The following LOC400499 variants were observed in gnomAD, a reference collection of about 807,000 sequenced individuals.
chr16:11,435,418 A>G, the LOC400499 span, among the ~76,000 whole-genome samples: 1 of 152,162 alleles, frequency 6.6e-6, no homozygotes, highest in African/African-American at 2.4e-5. Flanking sequence ...TTTATACATT[A>G]TCCTTTAAGC....
At chr16:11,482,404 G>A in the LOC400499 span, among the ~76,000 whole-genome samples, 3 of 152,184 alleles carry the variant, frequency 2.0e-5, no homozygotes, top group African/African-American at 4.8e-5. Flanking sequence ...GGTCCTACGA[G>A]AATCTCTGTA....
At chr16:11,383,883 C>A in the LOC400499 span, 4 of 1,232,190 alleles carry the variant, frequency 3.2e-6, no homozygotes, top group Non-Finnish European at 4.0e-6. Flanking sequence ...GGCTCACACT[C>A]ACCACCCGGA....
At chr16:11,450,542 C>T in the LOC400499 span, 3 of 1,479,822 alleles carry the variant, frequency 2.0e-6, no homozygotes, top group Non-Finnish European at 2.7e-6. Flanking sequence ...TTTCATCCGC[C>T]TCTGCACCAG....
At chr16:11,480,685 G>C in the LOC400499 span, among the ~76,000 whole-genome samples, 1 of 152,158 alleles carries the variant, frequency 6.6e-6, no homozygotes, top group Non-Finnish European at 1.5e-5. Flanking sequence ...TCACTCCTAG[G>C]TGTACGCCCG....
the LOC400499 span, among the ~76,000 whole-genome samples, chr16:11,483,994 CTTTTTTTTTTTTTTT>C: frequency 4.2e-3 from 147 of 34,872 alleles, no homozygotes; most frequent in Non-Finnish European, 6.2e-3. Flanking sequence ...GAGGAAGGGA[CTTTTTTTTTTTTTTT>C]TTTTTTTTTT....
the LOC400499 span, among the ~76,000 whole-genome samples, chr16:11,378,785 T>A: frequency 0.45 from 67,797 of 152,122 alleles, 15,919 homozygotes; most frequent in Non-Finnish European, 0.54. Context: ...TCAAATGTAT[T>A]AAATCTTGCT....
At chr16:11,404,528 G>C in the LOC400499 span, among the ~76,000 whole-genome samples, 1 of 152,198 alleles carries the variant, frequency 6.6e-6, no homozygotes, top group African/African-American at 2.4e-5. Context: ...TGTATTTTTA[G>C]TAGAGATGGG....
At chr16:11,419,181 A>C in the LOC400499 span, among the ~76,000 whole-genome samples, 3 of 102,636 alleles carry the variant, frequency 2.9e-5, no homozygotes, top group East Asian at 7.6e-4. Flanking sequence ...AACAAAAAAC[A>C]ACAACAACAA....
the LOC400499 span, chr16:11,446,430 T>C: frequency 5.5e-4 from 498 of 900,954 alleles, 9 homozygotes; most frequent in East Asian, 0.013. Flanking sequence ...GTAGCTAAGA[T>C]TACAGGTGTG....
the LOC400499 span, chr16:11,469,548 C>G: frequency 1.4e-4 from 56 of 399,044 alleles, 1 homozygote; most frequent in East Asian, 1.1e-3. Context: ...GAAGCTTGAG[C>G]CGGAACTTGT....
chr16:11,398,517 G>A, the LOC400499 span: 3 of 1,230,612 alleles, frequency 2.4e-6, no homozygotes, highest in Non-Finnish European at 2.0e-6. Flanking sequence ...CCTCTGGAAT[G>A]AGAGGGCCTA....
At chr16:11,485,141 C>T in the LOC400499 span, 1 of 398,578 alleles carries the variant, frequency 2.5e-6, no homozygotes, top group Middle Eastern at 6.3e-4. Flanking sequence ...AGCTGTTAGG[C>T]TGGGGATATG....
the LOC400499 span, among the ~76,000 whole-genome samples, chr16:11,437,540 C>G: frequency 2.6e-5 from 4 of 152,158 alleles, no homozygotes; most frequent in East Asian, 7.7e-4. Context: ...GCCTGGGTGA[C>G]AGAGTAAGAC....
the LOC400499 span, among the ~76,000 whole-genome samples, chr16:11,481,958 T>C: frequency 6.6e-6 from 1 of 152,196 alleles, no homozygotes; most frequent in African/African-American, 2.4e-5. Context: ...AAAATGGTTA[T>C]TTTTACATAT....
the LOC400499 span, among the ~76,000 whole-genome samples, chr16:11,527,170 C>A: frequency 1.3e-5 from 2 of 152,190 alleles, no homozygotes; most frequent in African/African-American, 2.4e-5. Flanking sequence ...CCACGGGGGC[C>A]GGCATCACTT....
the LOC400499 span, chr16:11,448,915 T>C: frequency 6.8e-7 from 1 of 1,468,540 alleles, no homozygotes; most frequent in Non-Finnish European, 9.1e-7. Context: ...TCCTGGGTTC[T>C]TACCCACTCC....
chr16:11,442,251 C>T, the LOC400499 span: 1 of 152,196 alleles, frequency 6.6e-6, no homozygotes, highest in Non-Finnish European at 1.5e-5. Flanking sequence ...GAGACAGCCT[C>T]GCTCTGTCAC....
At chr16:11,473,030 C>T in the LOC400499 span, 2 of 151,940 alleles carry the variant, frequency 1.3e-5, no homozygotes, top group Non-Finnish European at 1.5e-5. Flanking sequence ...TCAGGAGAAT[C>T]GCTTAAACCC....
the LOC400499 span, among the ~76,000 whole-genome samples, chr16:11,463,107 C>T: frequency 3.1e-3 from 472 of 152,346 alleles, 5 homozygotes; most frequent in African/African-American, 0.011. Flanking sequence ...GTCAGTGGTG[C>T]AGACCTGGCC....
Sources: gnomAD v4.1 joint callset for allele counts (sites outside exome capture counted in the v4.1 genomes callset) on GRCh38, gnomAD v4.1.1 for gene constraint, MANE v1.5 for transcripts.